The following MCC variants were observed in gnomAD, a reference collection of about 807,000 sequenced individuals.
MCC encodes colorectal mutant cancer protein.
In MCC, 90 loss-of-function variants were observed where a neutral mutation model predicts 116.2. That is an observed-to-expected ratio of 0.77 (90% CI 0.65 to 0.92). The LOEUF is 0.92. MCC is among the 40% of genes least tolerant of loss of function. The probability of loss-of-function intolerance (pLI) is 0.00; values close to 1 mark genes in which losing one functional copy is unlikely to be tolerated. For missense variants in MCC, 1,516 were observed against 1,312.2 expected, an observed-to-expected ratio of 1.16 and a Z score of -2.40; for synonymous variants, 578 against 510.5, an observed-to-expected ratio of 1.13 and a Z score of -1.78.
At chr5:113,343,355 T>G (rs1467795108) in intron 2 of MCC, among the ~76,000 whole-genome samples, 1 of 152,258 alleles carries the variant, frequency 6.6e-6, no homozygotes, top group Non-Finnish European at 1.5e-5. Context: ...AAGTTTACTT[T>G]AATGTTAAAG....
chr5:113,248,832 C>CTTTTTTTTTTTTTTTT (rs1269527611), intron 3 of MCC, among the ~76,000 whole-genome samples: 20 of 138,210 alleles, frequency 1.4e-4, no homozygotes, highest in Admixed American at 3.1e-4. Flanking sequence ...TCTCTCTCTT[C>CTTTTTTTTTTTTTTTT]TTTTTTTTTT....
At chr5:113,160,223 C>A (rs1205936981) in intron 3 of MCC, among the ~76,000 whole-genome samples, 1 of 152,194 alleles carries the variant, frequency 6.6e-6, no homozygotes, top group Non-Finnish European at 1.5e-5. Context: ...AAAGCCACAC[C>A]TCCCCTTCTT....
chr5:113,262,966 TAC>T (rs1765270427), intron 3 of MCC, among the ~76,000 whole-genome samples: 1 of 152,072 alleles, frequency 6.6e-6, no homozygotes, highest in Non-Finnish European at 1.5e-5. Flanking sequence ...ATCAAATTCA[TAC>T]AGAGTAAAAA....
At chr5:113,338,245 T>C (rs1767917653) in intron 3 of MCC, among the ~76,000 whole-genome samples, 1 of 152,220 alleles carries the variant, frequency 6.6e-6, no homozygotes, top group African/African-American at 2.4e-5. Flanking sequence ...TAAGTGAGTG[T>C]GCAGAGGAAA....
At chr5:113,107,145 C>T (rs1450367023) in intron 6 of MCC, among the ~76,000 whole-genome samples, 1 of 151,836 alleles carries the variant, frequency 6.6e-6, no homozygotes, top group African/African-American at 2.4e-5. Flanking sequence ...AAGAGAAACA[C>T]CACATCATCA....
chr5:113,310,430 A>C (rs541915408), intron 3 of MCC, among the ~76,000 whole-genome samples: 3 of 152,328 alleles, frequency 2.0e-5, no homozygotes, highest in East Asian at 3.9e-4. Context: ...CTAAGAAATA[A>C]AGTTCTGTTC....
chr5:113,075,547 G>A (rs1311094854), intron 11 of MCC, among the ~76,000 whole-genome samples: 1 of 152,208 alleles, frequency 6.6e-6, no homozygotes, highest in African/African-American at 2.4e-5. Flanking sequence ...CTGGAGGATT[G>A]TAATTGCACC....
chr5:113,194,460 T>C (rs1454308438), intron 3 of MCC, among the ~76,000 whole-genome samples: 1 of 151,108 alleles, frequency 6.6e-6, no homozygotes, highest in Non-Finnish European at 1.5e-5. Flanking sequence ...AAGTCAGGAG[T>C]TCAATATCAG....
intron 3 of MCC, among the ~76,000 whole-genome samples, chr5:113,283,214 G>A (rs1388738386): frequency 6.6e-6 from 1 of 152,196 alleles, no homozygotes; most frequent in Non-Finnish European, 1.5e-5. Context: ...AAATACCAAG[G>A]CGTGAGTACT....
chr5:113,318,098 G>A (rs77856602), intron 3 of MCC, among the ~76,000 whole-genome samples: 3,133 of 152,296 alleles, frequency 0.021, 33 homozygotes, highest in Middle Eastern at 0.027. Context: ...GTTTTGTGGT[G>A]TAGATTAGAT....
chr5:113,307,909 T>C (rs888613248), intron 3 of MCC, among the ~76,000 whole-genome samples: 1 of 152,182 alleles, frequency 6.6e-6, no homozygotes, highest in East Asian at 1.9e-4. Flanking sequence ...CATTCCCACA[T>C]TAATGTATCT....
At chr5:113,409,753 C>T (rs1043850210) in intron 1 of MCC, among the ~76,000 whole-genome samples, 3 of 152,176 alleles carry the variant, frequency 2.0e-5, no homozygotes, top group Non-Finnish European at 2.9e-5. Context: ...CTCATTCCCA[C>T]CCCACTCCAA....
chr5:113,094,823 A>G (rs991363115), intron 8 of MCC, among the ~76,000 whole-genome samples: 1 of 152,196 alleles, frequency 6.6e-6, no homozygotes, highest in Non-Finnish European at 1.5e-5. Flanking sequence ...TAGGCACATG[A>G]GGCTGGGGTG....
intron 14 of MCC, among the ~76,000 whole-genome samples, chr5:113,060,205 G>C (rs1373877973): frequency 6.6e-6 from 1 of 152,100 alleles, no homozygotes; most frequent in Non-Finnish European, 1.5e-5. Flanking sequence ...GCCCACACTG[G>C]AGTGCAATAG....
At chr5:113,444,325 A>C (rs577538862) in intron 1 of MCC, among the ~76,000 whole-genome samples, 1 of 152,264 alleles carries the variant, frequency 6.6e-6, no homozygotes, top group South Asian at 2.1e-4. Flanking sequence ...GTAAGGGATA[A>C]GAAGAGACAG....
chr5:113,297,775 G>A lies in MCC; in HGVS notation c.627+42744C>T, dbSNP rs180751470. On this transcript the variant is annotated intron_variant, in intron 3 of 18. Transcript: ENST00000408903. ...AAAAAAAAAAAAAAAAAAAAAAAAAGAAGGGACAATGGAAATAGGAGGGGA... is the reference window on the plus strand; with the variant it reads ...AAAAAAAAAAAAAAAAAAAAAAAAAAAAGGGACAATGGAAATAGGAGGGGA... 1.2e-3 allele frequency among the ~76,000 whole-genome samples: 137 copies of A among 114,994 alleles called. 1 individual carries two copies. The highest frequency in any genetic ancestry group is 2.7e-3 in the East Asian group (11 of 4,090). The allele number at this position is 114,994 out of a possible 152,430, so 75.4% of individuals were successfully genotyped here.
intron 14 of MCC, among the ~76,000 whole-genome samples, chr5:113,058,945 A>G (rs1037830667): frequency 6.6e-6 from 1 of 152,164 alleles, no homozygotes; most frequent in Non-Finnish European, 1.5e-5. Flanking sequence ...GGTCATCCAG[A>G]ATCCCTCCAT....
chr5:113,310,059 A>T (rs2150367745), intron 3 of MCC, among the ~76,000 whole-genome samples: 1 of 152,270 alleles, frequency 6.6e-6, no homozygotes, highest in South Asian at 2.1e-4. Context: ...CACGATTTGA[A>T]GGCACCAGCA....
chr5:113,382,857 C>T (rs74583093), intron 2 of MCC, among the ~76,000 whole-genome samples: 4,825 of 152,202 alleles, frequency 0.032, 245 homozygotes, highest in African/African-American at 0.11. Context: ...CTCAAATAGT[C>T]TGACTCTGAA....
Sources: allele counts gnomAD v4.1 joint callset (sites outside exome capture counted in the v4.1 genomes callset), GRCh38; gene constraint gnomAD v4.1.1; transcripts MANE v1.5; gene names NCBI Gene and HGNC (gene_info 2026-07-23, HGNC 2026-07-21).